Variants in ABLIM1 observed in about 807,000 individuals in gnomAD.
ABLIM1 encodes actin-binding LIM protein 1.
ABLIM1 carries 40 observed loss-of-function variants against 107.0 expected under a neutral mutation model. The observed-to-expected ratio is 0.37, with a 90% CI of 0.29 to 0.49. The LOEUF (loss-of-function observed/expected upper bound fraction) is 0.49. ABLIM1 is among the 20% of genes least tolerant of loss of function. The probability of loss-of-function intolerance (pLI) is 0.97; values close to 1 mark genes in which losing one functional copy is unlikely to be tolerated. For missense variants in ABLIM1, 857 were observed against 1,008.5 expected, an observed-to-expected ratio of 0.85 and a Z score of 2.04; for synonymous variants, 357 against 357.3, an observed-to-expected ratio of 1.00 and a Z score of 0.01.
At chr10:114,547,154 CA>C (rs2067458307) in intron 5 of ABLIM1, among the ~76,000 whole-genome samples, 1 of 58,108 alleles carries the variant, frequency 1.7e-5, no homozygotes, top group Non-Finnish European at 3.1e-5. Flanking sequence ...TGCCAGGCTA[CA>C]TTTAAAAAAA....
intron 1 of ABLIM1, among the ~76,000 whole-genome samples, chr10:114,725,799 C>G (rs1175925576): frequency 6.6e-6 from 1 of 150,456 alleles, no homozygotes; most frequent in Non-Finnish European, 1.5e-5. Context: ...AGGCAGGGCT[C>G]AGTGGTGCAA....
chr10:114,642,788 C>T (rs2078810205), intron 1 of ABLIM1, among the ~76,000 whole-genome samples: 2 of 152,110 alleles, frequency 1.3e-5, no homozygotes, highest in South Asian at 2.1e-4. Flanking sequence ...TCCATATGTC[C>T]AGGCAGAAAA....
intron 1 of ABLIM1, among the ~76,000 whole-genome samples, chr10:114,642,704 T>C (rs1362135584): frequency 5.9e-5 from 9 of 152,156 alleles, no homozygotes; most frequent in Non-Finnish European, 4.4e-5. Flanking sequence ...ATATAATATA[T>C]TTTGGCAAAA....
At chr10:114,620,376 A>G (rs1371192983) in intron 1 of ABLIM1, among the ~76,000 whole-genome samples, 1 of 152,158 alleles carries the variant, frequency 6.6e-6, no homozygotes, top group Non-Finnish European at 1.5e-5. Flanking sequence ...CCTTTGACTG[A>G]GTCCTACCCA....
chr10:114,776,397 A>C, the ABLIM1 span, among the ~76,000 whole-genome samples: 1 of 151,768 alleles, frequency 6.6e-6, no homozygotes, highest in Non-Finnish European at 1.5e-5. Flanking sequence ...GGCAGATCAC[A>C]AGGTCAGGGG....
chr10:114,721,542 C>T (rs2081848025), intron 1 of ABLIM1, among the ~76,000 whole-genome samples: 1 of 151,996 alleles, frequency 6.6e-6, no homozygotes, highest in Non-Finnish European at 1.5e-5. Context: ...GGTGCAGTGG[C>T]AGGATCTCGG....
chr10:114,485,411 G>T (rs768069706), intron 8 of ABLIM1: 1 of 1,570,720 alleles, frequency 6.4e-7, no homozygotes, highest in East Asian at 2.3e-5. Context: ...AGGGAAGAAC[G>T]AACACAGAAA....
chr10:114,496,266 T>C (rs1240656455), intron 6 of ABLIM1, among the ~76,000 whole-genome samples: 1 of 152,194 alleles, frequency 6.6e-6, no homozygotes, highest in African/African-American at 2.4e-5. Flanking sequence ...CTTCGCTCTA[T>C]AAATCATTAG....
intron 5 of ABLIM1, among the ~76,000 whole-genome samples, chr10:114,546,779 AATTT>A (rs2137601869): frequency 6.6e-6 from 1 of 152,004 alleles, no homozygotes; most frequent in Non-Finnish European, 1.5e-5. Flanking sequence ...TTAATGAATG[AATTT>A]ATTTGTTTAT....
intron 6 of ABLIM1, among the ~76,000 whole-genome samples, chr10:114,516,543 A>G (rs2062848351): frequency 6.6e-6 from 1 of 152,166 alleles, no homozygotes; most frequent in African/African-American, 2.4e-5. Flanking sequence ...CCAAAACAAC[A>G]AAAACTGTTT....
At chr10:114,601,569 G>A (rs991322947) in intron 2 of ABLIM1, 15 of 545,872 alleles carry the variant, frequency 2.7e-5, no homozygotes, top group African/African-American at 7.5e-5. Flanking sequence ...TTTACTGCTC[G>A]TTCTCAGTGT....
chr10:114,642,680 T>A (rs950873540), intron 1 of ABLIM1, among the ~76,000 whole-genome samples: 1 of 152,056 alleles, frequency 6.6e-6, no homozygotes, highest in Non-Finnish European at 1.5e-5. Context: ...AATTCACAGA[T>A]TTAAAGAGTA....
chr10:114,709,623 G>C (rs187430585), intron 1 of ABLIM1, among the ~76,000 whole-genome samples: 89 of 152,222 alleles, frequency 5.8e-4, no homozygotes, highest in Non-Finnish European at 9.9e-4. Flanking sequence ...AATAAACTAC[G>C]CTAGAGGAAA....
chr10:114,703,978 C>A (rs568960265), intron 1 of ABLIM1, among the ~76,000 whole-genome samples: 41 of 152,180 alleles, frequency 2.7e-4, no homozygotes, highest in African/African-American at 9.6e-4. Flanking sequence ...TGTGTGGATT[C>A]TCTTTGTGGA....
intron 1 of ABLIM1, among the ~76,000 whole-genome samples, chr10:114,762,427 G>A (rs1385684935): frequency 6.6e-6 from 1 of 152,120 alleles, no homozygotes; most frequent in East Asian, 1.9e-4. Flanking sequence ...CTAATTGCTG[G>A]CATGTAACAA....
chr10:114,800,000 CCT>C, the ABLIM1 span, among the ~76,000 whole-genome samples: 1 of 152,124 alleles, frequency 6.6e-6, no homozygotes, highest in Non-Finnish European at 1.5e-5. Context: ...GTCTCGAACC[CCT>C]GAGCTCAAAG....
chr10:114,800,800 T>C, the ABLIM1 span, among the ~76,000 whole-genome samples: 1 of 152,210 alleles, frequency 6.6e-6, no homozygotes, highest in East Asian at 1.9e-4. Context: ...TCCCAGCTAC[T>C]TGGAAGGCTA....
At chr10:114,787,754 G>A in the ABLIM1 span, among the ~76,000 whole-genome samples, 3 of 70,674 alleles carry the variant, frequency 4.2e-5, no homozygotes. Flanking sequence ...GGGAGGTGAG[G>A]GGAGCCTCTG....
At chr10:114,534,997 T>C (rs2065841637) in intron 6 of ABLIM1, among the ~76,000 whole-genome samples, 2 of 152,200 alleles carry the variant, frequency 1.3e-5, no homozygotes, top group South Asian at 4.1e-4. Context: ...TTCAGGTGAA[T>C]CAGATAGATT....
Sources: gnomAD v4.1 joint callset for allele counts (sites outside exome capture counted in the v4.1 genomes callset) on GRCh38, gnomAD v4.1.1 for gene constraint, MANE v1.5 for transcripts, NCBI Gene and HGNC (gene_info 2026-07-23, HGNC 2026-07-21) for gene names.